DCN: variants seen among roughly 807,000 people sequenced by gnomAD.
DCN encodes the protein bone proteoglycan II.
Under a neutral mutation model 36.5 loss-of-function variants are expected in DCN, and 17 were observed. The ratio of observed to expected loss-of-function variants is 0.47; its 90% CI spans 0.32 to 0.70. The LOEUF (loss-of-function observed/expected upper bound fraction) is 0.70. Ranked by LOEUF, DCN falls within the 30% of genes least tolerant of loss-of-function variation. The probability of loss-of-function intolerance (pLI) is 0.04; values close to 1 mark genes in which losing one functional copy is unlikely to be tolerated. For missense variants in DCN, 389 were observed against 430.1 expected, an observed-to-expected ratio of 0.90 and a Z score of 0.84; for synonymous variants, 163 against 161.4, an observed-to-expected ratio of 1.01 and a Z score of -0.07.
At chr12:91,171,878 T>C (rs1159748211) in intron 2 of DCN, among the ~76,000 whole-genome samples, 1 of 152,164 alleles carries the variant, frequency 6.6e-6, no homozygotes, top group Non-Finnish European at 1.5e-5. Context: ...AGCCACCATG[T>C]TTTGGGGTAA....
In DCN at chr12:91,146,143, T is replaced by G; in HGVS notation, c.995A>C (p.Asn332Thr). 1 of 1,613,742 alleles carries G rather than the reference T, an allele frequency of 6.2e-7. No homozygotes were observed. The highest frequency in any genetic ancestry group is 8.5e-7 in the Non-Finnish European group (1 of 1,179,858). The change falls in exon 8 of 8, where the codon AAC (asparagine) becomes ACC (threonine). Residue 332 changes from asparagine to threonine, a missense_variant. Transcript: ENST00000052754. Reference sequence around the variant, plus strand: ...CTGTATCTCCCAGTACTGGACCGGGTTGCTGAAAAGACTCACACCCGAATA... The same window carrying G: ...CTGTATCTCCCAGTACTGGACCGGGGTGCTGAAAAGACTCACACCCGAATA... The part of the protein sequence containing the change: ...ASYSGVSLFS[N>T]PVQYWEIQPS...
At chr12:91,164,440 G>T (rs1305868529) in intron 3 of DCN, among the ~76,000 whole-genome samples, 165 bp downstream of exon 3, 1 of 139,296 alleles carries the variant, frequency 7.2e-6, no homozygotes, top group African/African-American at 2.7e-5. Flanking sequence ...CAGTGTTTGG[G>T]GCAGAATTAA....
Position 91,151,680 on chromosome 12 carries a change from C to T in DCN, c.859G>A (p.Gly287Arg). The change falls in exon 7 of 8, where the codon GGG becomes AGG. Residue 287 changes from glycine (G) to arginine (R), a missense_variant. Gly to Arg is a moderately radical substitution (Grantham distance 125). Transcript: ENST00000052754. ...TGGATGTACTTATGCTCTGCCAGCC[C>T]ACCAGGTACTCTGGTAAGCTTGTTG... is the stretch of plus-strand genomic sequence containing the variant. ...DNNKLTRVPG[G>R]LAEHKYIQVV... The T allele has an allele frequency of 6.2e-7, 1 of 1,614,020 alleles. No homozygotes were observed. The highest frequency in any genetic ancestry group is 2.2e-5 in the East Asian group (1 of 44,866).
At chr12:91,152,959 T>G in intron 6 of DCN, 137 bp downstream of exon 6, 1 of 648,624 alleles carries the variant, frequency 1.5e-6, no homozygotes, top group Non-Finnish European at 2.8e-6. Context: ...ATGCTGAAGT[T>G]TGAGATTATA....
intron 1 of DCN, chr12:91,180,974 G>T (rs905303152): frequency 1.3e-5 from 2 of 152,094 alleles, no homozygotes; most frequent in Non-Finnish European, 2.9e-5. Context: ...AAAAGAAAAT[G>T]TTGAGTATTA....
At chr12:91,152,998 C>T in intron 6 of DCN, 98 bp downstream of exon 6, 1 of 751,018 alleles carries the variant, frequency 1.3e-6, no homozygotes, top group East Asian at 2.6e-5. Context: ...AAATGTAGTA[C>T]ACTCAAAAAT....
chr12:91,180,259 G>A (rs576808869), intron 1 of DCN: 9 of 149,220 alleles, frequency 6.0e-5, no homozygotes, highest in African/African-American at 1.7e-4. Context: ...GCTGTTTTGA[G>A]TCATTATCCA....
intron 2 of DCN, among the ~76,000 whole-genome samples, chr12:91,165,542 C>T (rs1303665498): frequency 6.6e-6 from 1 of 151,996 alleles, no homozygotes; most frequent in East Asian, 1.9e-4. Context: ...CAGAATTATA[C>T]AAAAGGCAGT....
intron 6 of DCN, 55 bp from the exon 7 acceptor site, chr12:91,151,847 A>G (rs1305866623): frequency 1.2e-6 from 2 of 1,605,618 alleles, no homozygotes; most frequent in Admixed American, 3.3e-5. Context: ...CCTTTCTTAC[A>G]AGCATTGTGT....
rs2121338880 is a variant in DCN, at chr12:91,182,748, AAGG to A, written c.-130_-128del. 6.6e-6 allele frequency: 1 copy of A among 152,112 alleles called. No homozygotes were observed. Among genetic ancestry groups the A allele is most frequent in the South Asian group, 2.1e-4 (1 of 4,820 alleles). The allele number at this position is 152,112 out of a possible 1,614,324, so 9.4% of individuals were successfully genotyped here. A position where few individuals can be genotyped will look rare whatever the true frequency, so the allele number is the denominator to read the frequency against. On this transcript the variant is annotated 5_prime_UTR_variant, in exon 1 of 8. Transcript: ENST00000052754. ...AAGTAAAAGAGTTTGCAGGTGTGGA[AAGG>A]AGGAGGGGGTAGGTGCTGCTCTGTG...
intron 2 of DCN, among the ~76,000 whole-genome samples, chr12:91,166,074 G>A (rs1882548388): frequency 6.6e-6 from 1 of 152,076 alleles, no homozygotes; most frequent in Non-Finnish European, 1.5e-5. Flanking sequence ...GAAAGTTACA[G>A]AAAACGTACC....
intron 2 of DCN, chr12:91,175,415 C>A (rs1376679355): frequency 6.6e-6 from 1 of 151,090 alleles, no homozygotes; most frequent in Non-Finnish European, 1.5e-5. Context: ...ATGCATTTTT[C>A]CAGAGGCATC....
intron 7 of DCN, among the ~76,000 whole-genome samples, chr12:91,148,718 A>T (rs2121150154): frequency 8.6e-6 from 1 of 115,642 alleles, no homozygotes; most frequent in Non-Finnish European, 1.7e-5. Context: ...AGACGCTCCG[A>T]CTCAAAAAAA....
chr12:91,171,519 A>G (rs1882954580), intron 2 of DCN, among the ~76,000 whole-genome samples: 1 of 152,136 alleles, frequency 6.6e-6, no homozygotes. Flanking sequence ...TGCCTCTAGG[A>G]ATCAATAGCC....
rs1880731372 is a variant in DCN, at chr12:91,140,761, A to G, written c.*5297T>C. The G allele has an allele frequency of 6.6e-6, 1 of 152,212 alleles. No homozygotes were observed. Among genetic ancestry groups the G allele is most frequent in the Admixed American group, 6.5e-5 (1 of 15,280 alleles). 9.4% of individuals were successfully genotyped at this position (152,212 alleles called of 1,614,324 possible). ...ATATGGAAGTTGAATATGCATCTCA[A>G]AAAGAACAGATTCAAAACCAGATAT... On this transcript the variant is annotated 3_prime_UTR_variant, in exon 8 of 8. Transcript: ENST00000052754.
chr12:91,149,816 A>G (rs563678136), intron 7 of DCN, among the ~76,000 whole-genome samples: 82 of 152,354 alleles, frequency 5.4e-4, no homozygotes, highest in African/African-American at 1.9e-3. Context: ...TAAAAAAATT[A>G]ACAATTCAAA....
At chr12:91,158,621 A>G in intron 3 of DCN, 112 bp from the exon 4 acceptor site, 1 of 722,032 alleles carries the variant, frequency 1.4e-6, no homozygotes, top group East Asian at 2.5e-5. Flanking sequence ...AATCTAAAAA[A>G]TTGCAAGAAA....
At chr12:91,155,581 T>A (rs1041617992) in intron 5 of DCN, among the ~76,000 whole-genome samples, 1 of 152,122 alleles carries the variant, frequency 6.6e-6, no homozygotes, top group African/African-American at 2.4e-5. Context: ...GTCATCTGGC[T>A]GCATGAAATA....
At chr12:91,162,274 T>C (rs980309202) in intron 3 of DCN, among the ~76,000 whole-genome samples, 1 of 152,162 alleles carries the variant, frequency 6.6e-6, no homozygotes, top group Non-Finnish European at 1.5e-5. Context: ...TTGTAGAGTC[T>C]TAAAATTTTA....
Sources: gnomAD v4.1 joint callset for allele counts (sites outside exome capture counted in the v4.1 genomes callset) on GRCh38, gnomAD v4.1.1 for gene constraint, MANE v1.5 for transcripts, NCBI Gene and HGNC (gene_info 2026-07-23, HGNC 2026-07-21) for gene names.